NKAIN2: variants seen among roughly 807,000 people sequenced by gnomAD.
NKAIN2 encodes sodium/potassium transporting ATPase interacting 2, also known as sodium/potassium-transporting ATPase subunit beta-1-interacting protein 2.
In NKAIN2, 14 loss-of-function variants were observed where a neutral mutation model predicts 32.6. That is an observed-to-expected ratio of 0.43 (90% CI 0.28 to 0.67). The LOEUF (loss-of-function observed/expected upper bound fraction) is 0.67, where lower values mean the gene tolerates loss of function less well. NKAIN2 is among the 30% of genes least tolerant of loss of function. The pLI is 0.17. For synonymous variants in NKAIN2, 80 were observed against 87.2 expected (o/e 0.92, Z 0.46); for missense variants, 198 against 258.3 (o/e 0.77, Z 1.60).
chr6:124,213,767 G>C (rs1791311270), intron 1 of NKAIN2, among the ~76,000 whole-genome samples: 1 of 152,168 alleles, frequency 6.6e-6, no homozygotes, highest in Non-Finnish European at 1.5e-5. Context: ...AATTCTCACA[G>C]AATGTTTTTC....
chr6:124,250,375 T>TA (rs1353973804), intron 1 of NKAIN2, among the ~76,000 whole-genome samples: 2 of 151,910 alleles, frequency 1.3e-5, no homozygotes, highest in African/African-American at 2.4e-5. Flanking sequence ...GAGAATAAAT[T>TA]AAAAAAATAA....
At chr6:123,976,365 A>G (rs1472913048) in intron 1 of NKAIN2, among the ~76,000 whole-genome samples, 11 of 30,418 alleles carry the variant, frequency 3.6e-4, no homozygotes, top group African/African-American at 1.0e-3. Context: ...ATATATATAT[A>G]TATTCCCATA....
intron 1 of NKAIN2, among the ~76,000 whole-genome samples, chr6:124,221,672 A>G (rs1189267706): frequency 6.6e-6 from 1 of 152,192 alleles, no homozygotes; most frequent in Non-Finnish European, 1.5e-5. Context: ...GATGCTAAAG[A>G]TGGAGCTCAG....
chr6:124,224,175 G>A (rs983519317), intron 1 of NKAIN2, among the ~76,000 whole-genome samples: 6 of 152,054 alleles, frequency 3.9e-5, no homozygotes, highest in Non-Finnish European at 8.8e-5. Flanking sequence ...TTTACGTACA[G>A]TATGCACATA....
At chr6:123,976,724 C>G (rs1778655823) in intron 1 of NKAIN2, among the ~76,000 whole-genome samples, 1 of 151,722 alleles carries the variant, frequency 6.6e-6, no homozygotes. Context: ...TACAAATGGC[C>G]AAGAATTAGG....
chr6:124,776,342 A>G (rs1457048930), intron 4 of NKAIN2, among the ~76,000 whole-genome samples: 1 of 152,102 alleles, frequency 6.6e-6, no homozygotes, highest in East Asian at 1.9e-4. Flanking sequence ...TTGAGTTTGA[A>G]AAGAGCAGAA....
intron 3 of NKAIN2, among the ~76,000 whole-genome samples, chr6:124,486,685 A>G (rs554213244): frequency 6.6e-6 from 1 of 152,234 alleles, no homozygotes; most frequent in Admixed American, 6.5e-5. Flanking sequence ...GCTCTTCTTT[A>G]CAGAATGCTA....
chr6:124,012,334 A>ATTT lies in NKAIN2; in HGVS notation c.54+208097_54+208099dup, dbSNP rs36026416. 4.0e-4 allele frequency among the ~76,000 whole-genome samples: 49 copies of ATTT among 123,166 alleles called. 1 individual carries two copies. The highest frequency in any genetic ancestry group is 8.0e-4 in the African/African-American group (26 of 32,372). 80.8% of individuals were successfully genotyped at this position (123,166 alleles called of 152,430 possible). ...TGCATGGCTTCTTTCACTCTACATG[A>ATTT]TTTTTTTTTTTTTTTTTTTGAGACA... On this transcript the variant is annotated intron_variant, in intron 1 of 6. Coordinates refer to ENST00000368417, the MANE Select transcript of NKAIN2 (RefSeq NM_001040214.3).
At chr6:123,896,934 C>G (rs1169159210) in intron 1 of NKAIN2, among the ~76,000 whole-genome samples, 1 of 152,108 alleles carries the variant, frequency 6.6e-6, no homozygotes, top group Non-Finnish European at 1.5e-5. Context: ...ACCTGCAACC[C>G]CACATTTCTT....
At chr6:124,747,688 A>G (rs1193775734) in intron 4 of NKAIN2, among the ~76,000 whole-genome samples, 1 of 151,772 alleles carries the variant, frequency 6.6e-6, no homozygotes, top group Non-Finnish European at 1.5e-5. Flanking sequence ...AGTCGCATAC[A>G]TTTTTGCCAC....
At chr6:124,705,344 G>A (rs572089847) in intron 4 of NKAIN2, among the ~76,000 whole-genome samples, 1 of 152,048 alleles carries the variant, frequency 6.6e-6, no homozygotes, top group Non-Finnish European at 1.5e-5. Flanking sequence ...ATAAAAATAA[G>A]AGAGGAATAA....
chr6:124,397,737 GTTA>G (rs1190606270), intron 3 of NKAIN2, among the ~76,000 whole-genome samples: 4 of 152,124 alleles, frequency 2.6e-5, no homozygotes, highest in Admixed American at 2.6e-4. Flanking sequence ...GTAGTCAGGT[GTTA>G]TTATCTCCGT....
chr6:124,587,542 GA>G (rs572176464), intron 3 of NKAIN2, among the ~76,000 whole-genome samples: 53 of 152,194 alleles, frequency 3.5e-4, no homozygotes, highest in Non-Finnish European at 7.1e-4. Context: ...TTTTACAGCT[GA>G]AACTGATACC....
At chr6:123,978,563 C>A (rs895528462) in intron 1 of NKAIN2, among the ~76,000 whole-genome samples, 1 of 152,152 alleles carries the variant, frequency 6.6e-6, no homozygotes. Context: ...TTCTCGTAGT[C>A]TCCTAGTCTC....
intron 1 of NKAIN2, among the ~76,000 whole-genome samples, chr6:123,926,285 A>G (rs1392939967): frequency 6.6e-6 from 1 of 152,172 alleles, no homozygotes; most frequent in Non-Finnish European, 1.5e-5. Context: ...ACCAGCTCCA[A>G]GTCTTTGTGG....
chr6:124,337,590 T>G (rs1562497795), intron 2 of NKAIN2, among the ~76,000 whole-genome samples: 1 of 152,118 alleles, frequency 6.6e-6, no homozygotes, highest in Non-Finnish European at 1.5e-5. Flanking sequence ...GCAAACCGAG[T>G]GATCACTGCC....
At chr6:124,173,180 T>C (rs538573583) in intron 1 of NKAIN2, among the ~76,000 whole-genome samples, 1 of 152,284 alleles carries the variant, frequency 6.6e-6, no homozygotes, top group Middle Eastern at 3.4e-3. Flanking sequence ...TACAATTGTA[T>C]TAAGAATAAT....
chr6:124,358,603 A>G (rs965982162), intron 3 of NKAIN2, among the ~76,000 whole-genome samples: 14 of 151,872 alleles, frequency 9.2e-5, no homozygotes, highest in African/African-American at 3.1e-4. Context: ...TATATCCTTC[A>G]CCCACTTTTT....
intron 1 of NKAIN2, among the ~76,000 whole-genome samples, chr6:124,232,738 G>A (rs1792524640): frequency 7.7e-6 from 1 of 129,276 alleles, no homozygotes; most frequent in African/African-American, 2.5e-5. Flanking sequence ...TGGCAAAATG[G>A]CATTATTTTT....
Sources: allele counts gnomAD v4.1 joint callset (sites outside exome capture counted in the v4.1 genomes callset), GRCh38; gene constraint gnomAD v4.1.1; transcripts MANE v1.5; gene names NCBI Gene and HGNC (gene_info 2026-07-23, HGNC 2026-07-21).